The following KCNN2 variants were observed in gnomAD, a reference collection of about 807,000 sequenced individuals.
KCNN2 encodes potassium calcium-activated channel subfamily N member 2, also known as small conductance calcium-activated potassium channel protein 2.
Under a neutral mutation model 55.5 loss-of-function variants are expected in KCNN2, and 24 were observed. The ratio of observed to expected loss-of-function variants is 0.43; its 90% confidence interval spans 0.31 to 0.61. KCNN2 has a LOEUF of 0.61. KCNN2 is among the 20% of genes least tolerant of loss of function. KCNN2 has a pLI of 0.08. For synonymous variants in KCNN2, 431 were observed against 336.1 expected, an observed-to-expected ratio of 1.28 and a Z score of -3.09; for missense variants, 754 against 853.6, an observed-to-expected ratio of 0.88 and a Z score of 1.45.
intron 2 of KCNN2, among the ~76,000 whole-genome samples, chr5:114,334,260 ATGTGTGTGTGTGTGTGTGTGTGTGTG>A (rs56654295): frequency 2.0e-4 from 27 of 138,210 alleles, no homozygotes; most frequent in Non-Finnish European, 3.6e-4. Context: ...CATATGCCTG[ATGTGTGTGTGTGTGTGTGTGTGTGTG>A]TGTGTGTGTG....
intron 1 of KCNN2, among the ~76,000 whole-genome samples, chr5:114,134,812 T>A (rs954627895): frequency 2.0e-5 from 3 of 152,176 alleles, no homozygotes; most frequent in East Asian, 3.9e-4. Context: ...CAGTAATGCG[T>A]TTCTCTTGCT....
At chr5:114,289,634 T>G (rs1178120222) in intron 2 of KCNN2, among the ~76,000 whole-genome samples, 1 of 152,068 alleles carries the variant, frequency 6.6e-6, no homozygotes, top group Non-Finnish European at 1.5e-5. Flanking sequence ...GCCTTGGCCT[T>G]TCAAAGTGCT....
chr5:114,161,772 C>G (rs1045183313), intron 1 of KCNN2, among the ~76,000 whole-genome samples: 3 of 152,082 alleles, frequency 2.0e-5, no homozygotes. Flanking sequence ...TCGCCTATAC[C>G]CTTTCTTCCA....
intron 2 of KCNN2, among the ~76,000 whole-genome samples, chr5:114,275,600 G>T (rs1467732895): frequency 6.6e-6 from 1 of 152,088 alleles, no homozygotes; most frequent in African/African-American, 2.4e-5. Flanking sequence ...ATTTCTTCCA[G>T]ATTTTCTAGT....
chr5:114,479,744 A>C (rs1248567724), intron 5 of KCNN2, among the ~76,000 whole-genome samples: 5 of 152,176 alleles, frequency 3.3e-5, no homozygotes. Flanking sequence ...CCACACCACA[A>C]CTACATGGAA....
chr5:114,224,934 A>G (rs1476546521), intron 2 of KCNN2, among the ~76,000 whole-genome samples: 1 of 152,138 alleles, frequency 6.6e-6, no homozygotes, highest in Non-Finnish European at 1.5e-5. Flanking sequence ...TAGATTCTAG[A>G]TAGTAAAACT....
chr5:114,285,094 A>C (rs1038981624), intron 2 of KCNN2, among the ~76,000 whole-genome samples: 1 of 150,988 alleles, frequency 6.6e-6, no homozygotes, highest in African/African-American at 2.4e-5. Flanking sequence ...CATCTTGGCT[A>C]ACACAGTGAA....
At chr5:114,294,461 A>T (rs1327093583) in intron 2 of KCNN2, among the ~76,000 whole-genome samples, 1 of 152,136 alleles carries the variant, frequency 6.6e-6, no homozygotes, top group East Asian at 1.9e-4. Context: ...CCCAGTAGTC[A>T]TTCAGGAGCA....
intron 4 of KCNN2, among the ~76,000 whole-genome samples, chr5:114,466,377 G>C (rs754091526): frequency 1.3e-5 from 2 of 151,952 alleles, no homozygotes; most frequent in Non-Finnish European, 2.9e-5. Flanking sequence ...GTGTCTATCA[G>C]CTTTTGGACA....
At chr5:114,168,506 A>C (rs1408262498) in intron 1 of KCNN2, among the ~76,000 whole-genome samples, 1 of 152,090 alleles carries the variant, frequency 6.6e-6, no homozygotes, top group East Asian at 1.9e-4. Flanking sequence ...AAGAATAGGC[A>C]TTAGTTATGT....
At chr5:114,355,113 G>A (rs1757274248) in intron 2 of KCNN2, among the ~76,000 whole-genome samples, 1 of 152,124 alleles carries the variant, frequency 6.6e-6, no homozygotes, top group African/African-American at 2.4e-5. Flanking sequence ...ACTCTCTCCT[G>A]GCACTGAAAC....
At chr5:114,167,490 A>T (rs150207248) in intron 1 of KCNN2, among the ~76,000 whole-genome samples, 5 of 152,218 alleles carry the variant, frequency 3.3e-5, no homozygotes, top group African/African-American at 1.2e-4. Context: ...ACTTACCTGT[A>T]TATACACTCA....
At chr5:114,237,575 G>A (rs1352855798) in intron 2 of KCNN2, among the ~76,000 whole-genome samples, 1 of 152,116 alleles carries the variant, frequency 6.6e-6, no homozygotes, top group East Asian at 1.9e-4. Flanking sequence ...CCATGACTAA[G>A]AAAGCAGCTT....
chr5:114,218,817 C>A (rs997873425), intron 1 of KCNN2, among the ~76,000 whole-genome samples: 3 of 152,158 alleles, frequency 2.0e-5, no homozygotes, highest in Non-Finnish European at 4.4e-5. Context: ...GGAGGCTATG[C>A]ACATGTGGGG....
intron 2 of KCNN2, among the ~76,000 whole-genome samples, chr5:114,287,987 A>G (rs1314406853): frequency 2.0e-5 from 3 of 152,218 alleles, no homozygotes; most frequent in Non-Finnish European, 4.4e-5. Flanking sequence ...TACTATCAAT[A>G]CATAAATAAA....
At chr5:114,489,675 A>C (rs1454706738) in intron 6 of KCNN2, among the ~76,000 whole-genome samples, 2 of 152,114 alleles carry the variant, frequency 1.3e-5, no homozygotes, top group Non-Finnish European at 2.9e-5. Flanking sequence ...GTTTGGCTAG[A>C]TCATTCTAAT....
chr5:114,100,360 A>C (rs973517679), intron 1 of KCNN2, among the ~76,000 whole-genome samples: 2 of 152,130 alleles, frequency 1.3e-5, no homozygotes, highest in South Asian at 4.1e-4. Context: ...ATCCCAAAGA[A>C]ATATTAATTT....
chr5:114,120,175 C>G (rs1306429386), intron 1 of KCNN2, among the ~76,000 whole-genome samples: 3 of 152,068 alleles, frequency 2.0e-5, no homozygotes, highest in Admixed American at 2.0e-4. Context: ...TTAAATTATA[C>G]TTAAGTTCAT....
chr5:114,265,352 T>C (rs202096701), intron 2 of KCNN2, among the ~76,000 whole-genome samples: 2 of 115,866 alleles, frequency 1.7e-5, no homozygotes, highest in Non-Finnish European at 3.7e-5. Flanking sequence ...TGTGTGTGTG[T>C]GTGTGTGTGT....
Sources: gnomAD v4.1 joint callset for allele counts (sites outside exome capture counted in the v4.1 genomes callset) on GRCh38, gnomAD v4.1.1 for gene constraint, MANE v1.5 for transcripts, NCBI Gene and HGNC (gene_info 2026-07-23, HGNC 2026-07-21) for gene names.